C11orf65: variants seen among roughly 807,000 people sequenced by gnomAD.
The protein encoded by C11orf65 is chromosome 11 open reading frame 65.
Under a neutral mutation model 35.3 loss-of-function variants are expected in C11orf65, and 38 were observed. The observed-to-expected ratio is 1.08, with a 90% CI of 0.83 to 1.41. C11orf65 has a LOEUF of 1.41. Among genes scored for constraint, C11orf65 ranks in the 40% most tolerant of loss-of-function variants. C11orf65 has a pLI of 0.00. For missense variants in C11orf65, 370 were observed against 367.1 expected, an observed-to-expected ratio of 1.01 and a Z score of -0.06; for synonymous variants, 105 against 114.4, an observed-to-expected ratio of 0.92 and a Z score of 0.53.
chr11:108,357,055 C>A (rs1030541950), intron 2 of C11orf65, among the ~76,000 whole-genome samples: 1 of 152,124 alleles, frequency 6.6e-6, no homozygotes, highest in Non-Finnish European at 1.5e-5. Flanking sequence ...CACTAGGGAG[C>A]GCCAGACAGT....
At chr11:108,445,010 G>C (rs1038430745) in intron 2 of C11orf65, among the ~76,000 whole-genome samples, 2 of 152,196 alleles carry the variant, frequency 1.3e-5, no homozygotes, top group East Asian at 3.9e-4. Context: ...CTGATTGCTA[G>C]CACAGCAGTC....
chr11:108,335,974 A>C (rs1400036072), intron 2 of C11orf65: 1 of 1,584,880 alleles, frequency 6.3e-7, no homozygotes, highest in Non-Finnish European at 8.7e-7. Context: ...AACTATTTGT[A>C]CTTCTGTTAG....
Position 108,336,143 on chromosome 11 carries a change from A to G in C11orf65, c.227-851T>C, listed in dbSNP as rs2086828811. On this transcript the variant is annotated intron_variant, in intron 2 of 3. Transcript: ENST00000524755. ...GAGACCCCATCTTGACAAAAAGTTAAAAAAAAAAAAAAAGCCAGAGATGAT... is the reference window on the plus strand; with the variant it reads ...GAGACCCCATCTTGACAAAAAGTTAGAAAAAAAAAAAAAGCCAGAGATGAT... 16 of 275,736 alleles carry G rather than the reference A, an allele frequency of 5.8e-5. No individual in the cohort carries two copies. In the South Asian group the frequency reaches 8.5e-4, roughly 15 times the overall value. 17.1% of individuals were successfully genotyped at this position (275,736 alleles called of 1,614,324 possible).
chr11:108,409,788 C>T (rs1368828081), intron 3 of C11orf65, among the ~76,000 whole-genome samples: 1 of 152,112 alleles, frequency 6.6e-6, no homozygotes, highest in Non-Finnish European at 1.5e-5. Context: ...GGTGCACAAA[C>T]CCTCTTGTGA....
intron 7 of C11orf65, among the ~76,000 whole-genome samples, chr11:108,389,486 AAAATTAT>A (rs1218019705): frequency 2.0e-5 from 3 of 151,990 alleles, no homozygotes; most frequent in Non-Finnish European, 4.4e-5. Context: ...ATGTTGGTAC[AAAATTAT>A]GAGTATCCTC....
intron 3 of C11orf65, among the ~76,000 whole-genome samples, chr11:108,408,532 T>G (rs940696905): frequency 3.3e-5 from 5 of 151,260 alleles, no homozygotes; most frequent in African/African-American, 1.2e-4. Context: ...AAAAATTAGC[T>G]GGGTGTGGTG....
chr11:108,353,904 G>T (rs761510445), intron 2 of C11orf65: 1 of 1,593,298 alleles, frequency 6.3e-7, no homozygotes, highest in East Asian at 2.2e-5. Flanking sequence ...AGTAAAGGAG[G>T]GAAATAATTT....
At chr11:108,464,611 C>T (rs925941133) in intron 1 of C11orf65, among the ~76,000 whole-genome samples, 2 of 151,920 alleles carry the variant, frequency 1.3e-5, no homozygotes, top group Non-Finnish European at 2.9e-5. Context: ...CCACCCACCT[C>T]GGCCTCCCAA....
chr11:108,354,744 C>A, intron 2 of C11orf65: 1 of 1,318,366 alleles, frequency 7.6e-7, no homozygotes, highest in Non-Finnish European at 1.1e-6. Flanking sequence ...TGAGAGTATA[C>A]AGATAAAGAT....
chr11:108,429,717 T>C (rs181826899), intron 3 of C11orf65, among the ~76,000 whole-genome samples: 2 of 152,320 alleles, frequency 1.3e-5, no homozygotes, highest in East Asian at 1.9e-4. Context: ...TTATTCATAA[T>C]AGCTAAAACA....
chr11:108,329,247 G>T, downstream of C11orf65: 1 of 1,602,076 alleles, frequency 6.2e-7, no homozygotes, highest in South Asian at 1.1e-5. Context: ...AGGTAACTAG[G>T]TTTCTACAAG....
intron 2 of C11orf65, among the ~76,000 whole-genome samples, chr11:108,453,930 T>C (rs1446234184): frequency 6.6e-6 from 1 of 152,226 alleles, no homozygotes; most frequent in Non-Finnish European, 1.5e-5. Context: ...GTTAGAAGTA[T>C]GCTCTCCTCT....
rs1555166431 is a variant in C11orf65, at chr11:108,408,674, T to TAAATAAAAAA, written c.175-1526_175-1525insTTTTTTATTT. On this transcript the variant is annotated intron_variant, in intron 3 of 8. Coordinates refer to ENST00000393084, the MANE Select transcript of C11orf65 (RefSeq NM_152587.5). ...CTGGGCAACAGAGACTCTGTCTCAA[T>TAAATAAAAAA]AAATAAAATAAAATAAAATAAAATA... 5.2e-5 allele frequency among the ~76,000 whole-genome samples: 4 copies of TAAATAAAAAA among 77,194 alleles called. 1 individual carries two copies. The highest frequency in any genetic ancestry group is 2.3e-4 in the African/African-American group (4 of 17,282). 50.6% of individuals were successfully genotyped at this position (77,194 alleles called of 152,430 possible).
At chr11:108,440,231 A>G (rs1372791758) in intron 2 of C11orf65, among the ~76,000 whole-genome samples, 2 of 152,236 alleles carry the variant, frequency 1.3e-5, no homozygotes, top group East Asian at 3.8e-4. Context: ...AAAAGAATAT[A>G]TAGCTGTTCT....
rs28942103 is a variant in C11orf65 at position 108,334,988 on chromosome 11, A to G, written c.299+232T>C. The G allele has an allele frequency of 6.2e-7, 1 of 1,613,542 alleles. No individual in the cohort carries two copies. The highest frequency in any genetic ancestry group is 8.5e-7 in the Non-Finnish European group (1 of 1,179,498). Reference sequence around the variant, plus strand: ...TATTAGGTGGACCACACAGGAGAATATGGAAATCTGGTGACTATACAGTCA... The same window carrying G: ...TATTAGGTGGACCACACAGGAGAATGTGGAAATCTGGTGACTATACAGTCA... On this transcript the variant is annotated intron_variant, in intron 3 of 3. Coordinates refer to the C11orf65 transcript ENST00000524755.
chr11:108,393,448 T>A lies in C11orf65; in HGVS notation c.561-70A>T, dbSNP rs564439704. 2.2e-6 allele frequency: 3 copies of A among 1,377,228 alleles called. No individual in the cohort carries two copies. The Admixed American group carries it at 5.5e-5, about 25-fold the overall frequency. The allele number at this position is 1,377,228 out of a possible 1,614,324, so 85.3% of individuals were successfully genotyped here. A position where few individuals can be genotyped will look rare whatever the true frequency, so the allele number is the denominator to read the frequency against. On this transcript the variant is annotated intron_variant, in intron 6 of 8. Transcript: ENST00000393084. ...AGATTACAAGTAGATACAGGCAATA[T>A]ATATTGTTGCTATTTACATATTAAA...
At chr11:108,386,770 G>C (rs551563198) in intron 7 of C11orf65, among the ~76,000 whole-genome samples, 46 of 152,292 alleles carry the variant, frequency 3.0e-4, no homozygotes, top group African/African-American at 1.1e-3. Flanking sequence ...CTAGCACAGA[G>C]AGGTGGAGAA....
At chr11:108,443,876 T>C (rs1313373258) in intron 2 of C11orf65, among the ~76,000 whole-genome samples, 15 of 152,058 alleles carry the variant, frequency 9.9e-5, no homozygotes, top group African/African-American at 3.1e-4. Flanking sequence ...AGGAAAGATC[T>C]ACAATTGACA....
In C11orf65 at chr11:108,450,388, C is replaced by T. The variant is rs555701740; in HGVS notation, c.81+11091G>A. 2.0e-4 allele frequency among the ~76,000 whole-genome samples: 31 copies of T among 151,590 alleles called. No homozygotes were observed. In the East Asian group the frequency reaches 4.5e-3, roughly 22 times the overall value. ...TGGAACTAACCCAAATGCCTAACAA[C>T]GATAGACTGGATTAAGAAAATGTGG... On this transcript the variant is annotated intron_variant, in intron 2 of 8. Coordinates refer to ENST00000393084, the MANE Select transcript of C11orf65 (RefSeq NM_152587.5).
Sources: allele counts gnomAD v4.1 joint callset (sites outside exome capture counted in the v4.1 genomes callset), GRCh38; gene constraint gnomAD v4.1.1; transcripts MANE v1.5; gene names NCBI Gene and HGNC (gene_info 2026-07-23, HGNC 2026-07-21).